The following VPS9D1 variants were observed in gnomAD, a reference collection of about 807,000 sequenced individuals.
The protein encoded by VPS9D1 is VPS9 domain-containing protein 1.
Under a neutral mutation model 75.8 loss-of-function variants are expected in VPS9D1, and 78 were observed. The ratio of observed to expected loss-of-function variants is 1.03; its 90% CI spans 0.86 to 1.24. VPS9D1 has a LOEUF of 1.24. Among genes scored for constraint, VPS9D1 ranks in the 50% most tolerant of loss-of-function variants. The probability of loss-of-function intolerance (pLI) is 0.00; values close to 1 mark genes in which losing one functional copy is unlikely to be tolerated. For synonymous variants in VPS9D1, 481 were observed against 385.6 expected (o/e 1.25, Z -2.90); for missense variants, 1,057 against 847.7 (o/e 1.25, Z -3.07).
At chr16:89,711,264 C>T in intron 9 of VPS9D1, 63 bp downstream of exon 9, 3 of 1,515,300 alleles carry the variant, frequency 2.0e-6, no homozygotes, top group Non-Finnish European at 2.7e-6. Flanking sequence ...CGGCACCTGG[C>T]ACCAGGCAGA....
At chr16:89,716,970 C>A in intron 2 of VPS9D1, 148 bp from the exon 3 acceptor site, 1 of 601,568 alleles carries the variant, frequency 1.7e-6, no homozygotes, top group Middle Eastern at 4.4e-4. Context: ...GCCCCCCCAT[C>A]CCCTCACTGA....
chr16:89,708,086 C>A, intron 14 of VPS9D1, 132 bp from the exon 15 acceptor site: 1 of 862,182 alleles, frequency 1.2e-6, no homozygotes. Context: ...GCTGTCAGGG[C>A]GGCTGGGCTA....
chr16:89,719,588 G>A (rs779124930), intron 1 of VPS9D1, among the ~76,000 whole-genome samples: 3 of 152,210 alleles, frequency 2.0e-5, no homozygotes, highest in Non-Finnish European at 2.9e-5. Context: ...CCCGGTTTAA[G>A]TTCCGAGAAA....
At chr16:89,716,846 G>A (rs750356608) in intron 2 of VPS9D1, 24 bp from the exon 3 acceptor site, 1 of 1,571,510 alleles carries the variant, frequency 6.4e-7, no homozygotes, top group South Asian at 1.2e-5. Context: ...AAGAAGGCTG[G>A]TCACAGTCGG....
At chr16:89,711,224 C>A (rs1329971620) in intron 9 of VPS9D1, 103 bp downstream of exon 9, 2 of 1,352,366 alleles carry the variant, frequency 1.5e-6, no homozygotes, top group Admixed American at 2.2e-5. Flanking sequence ...TGGCCGGGCA[C>A]AGGCTCCCTG....
intron 4 of VPS9D1, among the ~76,000 whole-genome samples, chr16:89,713,355 T>G (rs184039654): frequency 6.6e-6 from 1 of 151,280 alleles, no homozygotes; most frequent in African/African-American, 2.4e-5. Flanking sequence ...CCCGGGTTCA[T>G]GCCATTCTCC....
Position 89,710,906 on chromosome 16 carries a change from C to A in VPS9D1, c.938G>T (p.Cys313Phe), listed in dbSNP as rs1390434948. ...TCCGGGGTTGGGGGTCGGGGGGCAG[C>A]AGCCTGGGGCTGGCGCGGCTGCTCT... ...VSRAAAPAPG[C>F]CPPTPNPGSR... The change falls in exon 10 of 15, where the codon TGC becomes TTC. Residue 313 changes from cysteine (C) to phenylalanine (F), a missense_variant. Transcript: ENST00000389386. The A allele has an allele frequency of 6.7e-7, 1 of 1,492,540 alleles. No homozygotes were observed. Among genetic ancestry groups the A allele is most frequent in the Admixed American group, 2.2e-5 (1 of 44,928 alleles). 92.5% of individuals were successfully genotyped at this position (1,492,540 alleles called of 1,614,324 possible). A position where few individuals can be genotyped will look rare whatever the true frequency, so the allele number is the denominator to read the frequency against.
At chr16:89,718,464 C>A (rs1364634962) in intron 2 of VPS9D1, among the ~76,000 whole-genome samples, 2 of 152,186 alleles carry the variant, frequency 1.3e-5, no homozygotes, top group Non-Finnish European at 2.9e-5. Flanking sequence ...TGGAATGCTG[C>A]CCCACGTCTG....
intron 1 of VPS9D1, chr16:89,719,319 A>C: frequency 1.6e-6 from 1 of 631,014 alleles, no homozygotes; most frequent in Non-Finnish European, 2.9e-6. Flanking sequence ...GACTTGGAAA[A>C]GACATCAGGA....
At chr16:89,719,792 C>T (rs534226664) in intron 1 of VPS9D1, among the ~76,000 whole-genome samples, 2 of 152,278 alleles carry the variant, frequency 1.3e-5, no homozygotes, top group South Asian at 4.1e-4. Flanking sequence ...GATCTCGAGT[C>T]ACTGCAACCT....
chr16:89,710,378 G>A (rs2060887507), intron 10 of VPS9D1, among the ~76,000 whole-genome samples: 1 of 152,140 alleles, frequency 6.6e-6, no homozygotes. Flanking sequence ...CTGAGGTCAG[G>A]AGTTTGAGAA....
At position 89,709,200 on chromosome 16, in the gene VPS9D1, C is replaced by G. The variant is rs148161279; in HGVS notation, c.1597+27G>C. 4 of 1,611,338 alleles carry G rather than the reference C, an allele frequency of 2.5e-6. No homozygotes were observed. The African/African-American group carries it at 4.0e-5, about 16-fold the overall frequency. On this transcript the variant is annotated intron_variant, in intron 12 of 14. Transcript: ENST00000389386. ...CACCTACTGGGATGGGAGCCTGTCCCTCCCCCTGACTCTCGAACCTGCTGA... is the reference window on the plus strand; with the variant it reads ...CACCTACTGGGATGGGAGCCTGTCCGTCCCCCTGACTCTCGAACCTGCTGA...
At chr16:89,709,542 C>A in intron 11 of VPS9D1, 107 bp from the exon 12 acceptor site, 1 of 1,337,682 alleles carries the variant, frequency 7.5e-7, no homozygotes, top group Non-Finnish European at 9.9e-7. Flanking sequence ...CTATGTATCT[C>A]AAGCAAAAAG....
chr16:89,717,311 T>C, intron 2 of VPS9D1: 1 of 348,512 alleles, frequency 2.9e-6, no homozygotes. Flanking sequence ...AAACAGGCCT[T>C]TAGTGCTCAC....
chr16:89,707,799 G>A lies in VPS9D1; in HGVS notation c.*62C>T, dbSNP rs1023776848. 1.9e-5 allele frequency: 28 copies of A among 1,468,680 alleles called. No homozygotes were observed. The highest frequency in any genetic ancestry group is 2.4e-5 in the Non-Finnish European group (25 of 1,051,990). The allele number at this position is 1,468,680 out of a possible 1,614,324, so 91.0% of individuals were successfully genotyped here. A position where few individuals can be genotyped will look rare whatever the true frequency, so the allele number is the denominator to read the frequency against. On this transcript the variant is annotated 3_prime_UTR_variant, in exon 15 of 15. Coordinates refer to ENST00000389386, the MANE Select transcript of VPS9D1 (RefSeq NM_004913.3). The stretch of plus-strand genomic sequence containing the variant: ...CTCAGTAGATCCCATGGCTCCAGGT[G>A]TAGGAGAGACAGCCCTGGGAGGCGA...
intron 4 of VPS9D1, among the ~76,000 whole-genome samples, chr16:89,713,467 G>T (rs1373211275): frequency 2.6e-5 from 4 of 151,580 alleles, no homozygotes. Flanking sequence ...CATTAACCAG[G>T]ATGGTCTTGA....
At chr16:89,715,279 T>C (rs1007347353) in intron 4 of VPS9D1, among the ~76,000 whole-genome samples, 2 of 150,016 alleles carry the variant, frequency 1.3e-5, no homozygotes, top group South Asian at 2.1e-4. Flanking sequence ...CAGGCTGGAA[T>C]GCAGTGGCGC....
Position 89,710,911 on chromosome 16 carries a change from T to C in VPS9D1, c.933A>G (p.Pro311=). The change falls in exon 10 of 15, where the codon CCA becomes CCG. Residue 311 remains proline, a synonymous_variant. Transcript: ENST00000389386. ...PAVSRAAAPA[P]GCCPPTPNPG... ...GGTTGGGGGTCGGGGGGCAGCAGCC[T>C]GGGGCTGGCGCGGCTGCTCTGCTCA... The C allele has an allele frequency of 2.7e-6, 4 of 1,490,214 alleles. No individual in the cohort carries two copies. Among genetic ancestry groups the C allele is most frequent in the Middle Eastern group, 2.1e-4 (1 of 4,682 alleles). 92.3% of individuals were successfully genotyped at this position (1,490,214 alleles called of 1,614,324 possible). A position where few individuals can be genotyped will look rare whatever the true frequency, so the allele number is the denominator to read the frequency against.
At position 89,707,758 on chromosome 16, in the gene VPS9D1, A is replaced by G; in HGVS notation, c.*103T>C. 9.8e-7 allele frequency: 1 copy of G among 1,023,430 alleles called. No homozygotes were observed. Among genetic ancestry groups the G allele is most frequent in the Non-Finnish European group, 1.5e-6 (1 of 671,048 alleles). 63.4% of individuals were successfully genotyped at this position (1,023,430 alleles called of 1,614,324 possible). A position where few individuals can be genotyped will look rare whatever the true frequency, so the allele number is the denominator to read the frequency against. On this transcript the variant is annotated 3_prime_UTR_variant, in exon 15 of 15. Transcript: ENST00000389386. Reference sequence around the variant, plus strand: ...CCCCCACCATGTGCAGAGCAGCGTGAGGCTCCAGGATGGTCCTCAGTAGAT... The same window carrying G: ...CCCCCACCATGTGCAGAGCAGCGTGGGGCTCCAGGATGGTCCTCAGTAGAT...
Sources: allele counts gnomAD v4.1 joint callset (sites outside exome capture counted in the v4.1 genomes callset), GRCh38; gene constraint gnomAD v4.1.1; transcripts MANE v1.5; gene names NCBI Gene and HGNC (gene_info 2026-07-23, HGNC 2026-07-21).